TBC1D14: variants seen among roughly 807,000 people sequenced by gnomAD.
TBC1D14 encodes the protein TBC1 domain family, member 14.
In TBC1D14, 26 loss-of-function variants were observed where a neutral mutation model predicts 79.0. That is an observed-to-expected ratio of 0.33 (90% CI 0.24 to 0.46). The LOEUF (loss-of-function observed/expected upper bound fraction) is 0.46. Among genes scored for constraint, TBC1D14 ranks in the 20% least tolerant of loss-of-function variants. TBC1D14 has a pLI of 1.00. For synonymous variants in TBC1D14, 394 were observed against 349.9 expected (o/e 1.13, Z -1.40); for missense variants, 769 against 887.6 (o/e 0.87, Z 1.70).
chr4:7,025,126 AG>A lies in TBC1D14; in HGVS notation c.1882del (p.Asp628ThrfsTer3). On this transcript the variant is annotated frameshift_variant, in exon 13 of 14. Coordinates refer to ENST00000409757, the MANE Select transcript of TBC1D14 (RefSeq NM_020773.3). LOFTEE classifies it high-confidence loss of function. The stretch of plus-strand genomic sequence containing the variant: ...GCCCTGGGCATCCTGAAGCTGTTCG[AG>A]GACATCCTGACCAAGATGGACTTCA... ...RTALGILKLFEDILTKMDFIH... is the reference protein window; with the variant it reads ...RTALGILKLFXDILTKMDFIH... The A allele has an allele frequency of 6.2e-7, 1 of 1,614,232 alleles. No individual in the cohort carries two copies. Among genetic ancestry groups the A allele is most frequent in the Non-Finnish European group, 8.5e-7 (1 of 1,180,040 alleles).
intron 2 of TBC1D14, among the ~76,000 whole-genome samples, chr4:6,935,477 G>A (rs1342346267): frequency 2.6e-5 from 4 of 152,024 alleles, no homozygotes; most frequent in African/African-American, 9.7e-5. Context: ...CAGGTAGATG[G>A]GGAGGAGGGT....
At chr4:6,954,074 G>C (rs73199995) in intron 2 of TBC1D14, 56,701 of 567,400 alleles carry the variant, frequency 0.1, 4,007 homozygotes, top group African/African-American at 0.27. Context: ...CCAGACTTTG[G>C]GCTCACTCCT....
chr4:6,982,712 C>T (rs752038021), intron 3 of TBC1D14, among the ~76,000 whole-genome samples: 21 of 152,088 alleles, frequency 1.4e-4, no homozygotes, highest in Non-Finnish European at 2.6e-4. Flanking sequence ...GGGTATTGAT[C>T]GCAGCACAAG....
chr4:6,927,994 G>A (rs1724419868), intron 2 of TBC1D14, among the ~76,000 whole-genome samples: 1 of 152,234 alleles, frequency 6.6e-6, no homozygotes, highest in Non-Finnish European at 1.5e-5. Flanking sequence ...CATGCTTGTG[G>A]TGGGTTTATT....
chr4:6,997,365 G>T (rs1265476908), intron 5 of TBC1D14: 1 of 152,200 alleles, frequency 6.6e-6, no homozygotes, highest in Non-Finnish European at 1.5e-5. Flanking sequence ...GGTGGCTCAC[G>T]CCTGTAATCG....
intron 12 of TBC1D14, among the ~76,000 whole-genome samples, chr4:7,021,300 GA>G (rs1413379354): frequency 6.6e-6 from 1 of 152,222 alleles, no homozygotes; most frequent in Admixed American, 6.5e-5. Flanking sequence ...TAGCGACATA[GA>G]AATATATCAT....
At chr4:7,008,669 C>T (rs760205210) in intron 9 of TBC1D14, among the ~76,000 whole-genome samples, 1 of 152,204 alleles carries the variant, frequency 6.6e-6, no homozygotes, top group Non-Finnish European at 1.5e-5. Flanking sequence ...CCTCGGCCTC[C>T]CAAAGTGCTG....
chr4:6,971,717 C>T (rs761092706), intron 3 of TBC1D14, among the ~76,000 whole-genome samples: 12 of 152,106 alleles, frequency 7.9e-5, no homozygotes, highest in Non-Finnish European at 1.6e-4. Flanking sequence ...TGCACGTTCT[C>T]GGGCCTTACT....
At chr4:6,930,919 G>A (rs913117885) in intron 2 of TBC1D14, among the ~76,000 whole-genome samples, 3 of 151,904 alleles carry the variant, frequency 2.0e-5, no homozygotes, top group African/African-American at 2.4e-5. Flanking sequence ...AAATGTTTTT[G>A]AGATGAAATC....
chr4:6,963,134 G>A (rs959590128), intron 2 of TBC1D14, among the ~76,000 whole-genome samples: 2 of 152,252 alleles, frequency 1.3e-5, no homozygotes, highest in African/African-American at 4.8e-5. Flanking sequence ...AGCTGGTCCG[G>A]GAGGGCTCTG....
chr4:6,922,218 T>A (rs1444609878), intron 1 of TBC1D14, among the ~76,000 whole-genome samples: 1 of 152,118 alleles, frequency 6.6e-6, no homozygotes, highest in East Asian at 1.9e-4. Flanking sequence ...CACCCCCAGT[T>A]GATTTTTTTT....
At chr4:6,925,628 G>A (rs1724232512) in intron 2 of TBC1D14, among the ~76,000 whole-genome samples, 1 of 152,238 alleles carries the variant, frequency 6.6e-6, no homozygotes, top group Non-Finnish European at 1.5e-5. Context: ...TGTGCTGACA[G>A]ATAGGTATCT....
At chr4:6,958,579 AC>A (rs916637105) in intron 2 of TBC1D14, among the ~76,000 whole-genome samples, 34 of 152,014 alleles carry the variant, frequency 2.2e-4, no homozygotes, top group African/African-American at 7.5e-4. Context: ...ATAGGTGTGC[AC>A]TACCACGCCT....
chr4:6,973,150 G>A (rs1716366876), intron 3 of TBC1D14, among the ~76,000 whole-genome samples: 1 of 152,184 alleles, frequency 6.6e-6, no homozygotes, highest in Non-Finnish European at 1.5e-5. Flanking sequence ...GGCCTGTTGT[G>A]TTAGCATTTG....
chr4:7,010,715 T>C lies in TBC1D14; in HGVS notation c.1581T>C (p.Phe527=). 6.2e-7 allele frequency: 1 copy of C among 1,614,186 alleles called. No individual in the cohort carries two copies. The highest frequency in any genetic ancestry group is 8.5e-7 in the Non-Finnish European group (1 of 1,180,024). Residue 527 remains phenylalanine (F), a synonymous_variant, in exon 11 of 14, where the codon TTT becomes TTC. Coordinates refer to ENST00000409757, the MANE Select transcript of TBC1D14 (RefSeq NM_020773.3). Reference sequence around the variant, plus strand: ...TGAACTTAGATACTGCAGATGCCTTTATTGCCTTTTCTAACCTTCTGAATA... The same window carrying C: ...TGAACTTAGATACTGCAGATGCCTTCATTGCCTTTTCTAACCTTCTGAATA... The part of the protein sequence containing the change: ...LILNLDTADA[F]IAFSNLLNKP...
rs1295130587 is a variant in TBC1D14 at position 7,026,263 on chromosome 4, C to T, written c.2016+1001C>T. On this transcript the variant is annotated intron_variant, in intron 13 of 13. Coordinates refer to ENST00000409757, the MANE Select transcript of TBC1D14 (RefSeq NM_020773.3). ...AGTGTCAGTGACTGTGGAAGCGCAG[C>T]GGCTGTTGGAGCTGCCTCCCACCTC... 3.9e-5 allele frequency among the ~76,000 whole-genome samples: 6 copies of T among 152,258 alleles called. No individual in the cohort carries two copies. In the East Asian group the frequency reaches 9.7e-4, roughly 25 times the overall value.
chr4:6,936,646 A>G (rs1340609004), intron 2 of TBC1D14, among the ~76,000 whole-genome samples: 2 of 152,218 alleles, frequency 1.3e-5, no homozygotes, highest in Admixed American at 1.3e-4. Context: ...GTAAATACCA[A>G]GGCGTGCAGT....
intron 2 of TBC1D14, among the ~76,000 whole-genome samples, chr4:6,926,489 C>T (rs1724306524): frequency 6.6e-6 from 1 of 152,182 alleles, no homozygotes; most frequent in African/African-American, 2.4e-5. Flanking sequence ...AGTGTCTCTT[C>T]TTTTATTCCT....
intron 4 of TBC1D14, chr4:6,995,394 C>T (rs910356160): frequency 6.6e-6 from 1 of 152,138 alleles, no homozygotes; most frequent in Non-Finnish European, 1.5e-5. Flanking sequence ...GTATTGCAGT[C>T]AAATCAAAGT....
Sources: allele counts gnomAD v4.1 joint callset (sites outside exome capture counted in the v4.1 genomes callset), GRCh38; gene constraint gnomAD v4.1.1; transcripts MANE v1.5; gene names NCBI Gene and HGNC (gene_info 2026-07-23, HGNC 2026-07-21).